Variants in COL28A1 observed in about 807,000 individuals in gnomAD.
The protein encoded by COL28A1 is collagen type XXVIII alpha 1 chain.
In COL28A1, 161 loss-of-function variants were observed where a neutral mutation model predicts 150.2. The ratio of observed to expected loss-of-function variants is 1.07; its 90% CI spans 0.94 to 1.22. The LOEUF (loss-of-function observed/expected upper bound fraction) is 1.22, where lower values mean the gene tolerates loss of function less well. Ranked by LOEUF, COL28A1 falls within the 50% of genes most tolerant of loss-of-function variation. The pLI is 0.00. For missense variants in COL28A1, 1,617 were observed against 1,388.3 expected (o/e 1.16, Z -2.62); for synonymous variants, 552 against 469.7 (o/e 1.18, Z -2.26).
At chr7:7,503,624 A>G (rs1170922110) in intron 11 of COL28A1, among the ~76,000 whole-genome samples, 1 of 152,256 alleles carries the variant, frequency 6.6e-6, no homozygotes, top group Non-Finnish European at 1.5e-5. Flanking sequence ...CTGGGAGGCA[A>G]GATGAAATCA....
At chr7:7,383,913 T>C (rs547193057) in intron 27 of COL28A1, among the ~76,000 whole-genome samples, 1 of 152,154 alleles carries the variant, frequency 6.6e-6, no homozygotes, top group Admixed American at 6.5e-5. Flanking sequence ...GAAACAAATA[T>C]TATATAAAAT....
upstream of COL28A1, among the ~76,000 whole-genome samples, chr7:7,538,880 C>G (rs1439827956): frequency 3.3e-5 from 5 of 151,946 alleles, no homozygotes; most frequent in Non-Finnish European, 5.9e-5. Flanking sequence ...TACCAACTAA[C>G]AAGGAAGAAA....
chr7:7,439,898 G>C (rs889426436), intron 21 of COL28A1, among the ~76,000 whole-genome samples: 2 of 152,208 alleles, frequency 1.3e-5, no homozygotes, highest in African/African-American at 4.8e-5. Context: ...AAGTTTAAGA[G>C]TCACTGGTGT....
At chr7:7,497,363 G>A (rs371322374) in intron 11 of COL28A1, among the ~76,000 whole-genome samples, 2 of 152,278 alleles carry the variant, frequency 1.3e-5, no homozygotes, top group East Asian at 1.9e-4. Context: ...TGACTGACGT[G>A]TATTAACTCA....
chr7:7,516,825 C>G (rs929099727), intron 7 of COL28A1, among the ~76,000 whole-genome samples: 7 of 152,118 alleles, frequency 4.6e-5, no homozygotes, highest in Admixed American at 4.6e-4. Flanking sequence ...AACTAGTGGC[C>G]TTAAGTGATC....
chr7:7,398,816 C>T (rs1202131561), intron 27 of COL28A1, among the ~76,000 whole-genome samples: 5 of 152,164 alleles, frequency 3.3e-5, no homozygotes, highest in Admixed American at 2.0e-4. Flanking sequence ...TCTTTGCTGG[C>T]CATCTGCACG....
At chr7:7,360,211 T>A (rs1291464061) in intron 34 of COL28A1, among the ~76,000 whole-genome samples, 179 bp downstream of exon 34, 1 of 152,240 alleles carries the variant, frequency 6.6e-6, no homozygotes, top group Non-Finnish European at 1.5e-5. Flanking sequence ...TATAGTCCAG[T>A]GAAAACTATA....
intron 8 of COL28A1, among the ~76,000 whole-genome samples, chr7:7,514,333 G>A (rs1046812742): frequency 1.3e-5 from 2 of 152,064 alleles, no homozygotes; most frequent in African/African-American, 2.4e-5. Context: ...ACATTGTCAC[G>A]CCCATTATTT....
At chr7:7,349,300 A>G in the COL28A1 span, among the ~76,000 whole-genome samples, 1 of 152,076 alleles carries the variant, frequency 6.6e-6, no homozygotes, top group African/African-American at 2.4e-5. Flanking sequence ...TAGTCTATCC[A>G]ATACTTCATG....
At chr7:7,500,660 T>C (rs1024889125) in intron 11 of COL28A1, among the ~76,000 whole-genome samples, 17 of 152,216 alleles carry the variant, frequency 1.1e-4, no homozygotes, top group Admixed American at 1.0e-3. Flanking sequence ...AAAACCCTTT[T>C]TCATAGAACA....
At chr7:7,416,459 G>C (rs952511899) in intron 27 of COL28A1, among the ~76,000 whole-genome samples, 3 of 152,254 alleles carry the variant, frequency 2.0e-5, no homozygotes, top group Non-Finnish European at 4.4e-5. Context: ...CAGCATGTGT[G>C]AACTGAGCTC....
chr7:7,529,357 G>C (rs561468847), intron 3 of COL28A1, among the ~76,000 whole-genome samples: 1 of 151,604 alleles, frequency 6.6e-6, no homozygotes, highest in South Asian at 2.1e-4. Context: ...TTGAAAGTTG[G>C]TATACCATTC....
chr7:7,412,609 A>G (rs572678814), intron 27 of COL28A1, among the ~76,000 whole-genome samples: 1 of 152,192 alleles, frequency 6.6e-6, no homozygotes, highest in South Asian at 2.1e-4. Context: ...TGCATTACAC[A>G]TACTATCTAA....
intron 4 of COL28A1, chr7:7,522,201 T>G: frequency 1.9e-6 from 1 of 517,382 alleles, no homozygotes; most frequent in Non-Finnish European, 3.5e-6. Context: ...TACCAAGAGC[T>G]AGCTAACAAA....
intron 27 of COL28A1, among the ~76,000 whole-genome samples, chr7:7,396,648 T>C (rs1430416105): frequency 6.6e-6 from 1 of 152,198 alleles, no homozygotes; most frequent in Non-Finnish European, 1.5e-5. Context: ...AATGAGTAAG[T>C]TACTTGTTAT....
At chr7:7,520,197 G>A in intron 5 of COL28A1, 82 bp from the exon 6 acceptor site, 2 of 702,454 alleles carry the variant, frequency 2.8e-6, no homozygotes, top group South Asian at 2.1e-5. Context: ...GATCAGTTTT[G>A]TTTCCTAGAA....
At position 7,507,103 on chromosome 7, in the gene COL28A1, T is replaced by G. The variant is rs1447483047; in HGVS notation, c.972+14A>C. On this transcript the variant is annotated intron_variant, in intron 10 of 34. Transcript: ENST00000399429. Reference sequence around the variant, plus strand: ...ATTCTAATTCAAACTTAGATTTGGTTTTAACCCCCTTACCTGAATTCCTCT... The same window carrying G: ...ATTCTAATTCAAACTTAGATTTGGTGTTAACCCCCTTACCTGAATTCCTCT... The G allele has an allele frequency of 1.8e-6, 2 of 1,132,756 alleles. No individual in the cohort carries two copies. Among genetic ancestry groups the G allele is most frequent in the Non-Finnish European group, 2.7e-6 (2 of 741,816 alleles). The allele number at this position is 1,132,756 out of a possible 1,614,324, so 70.2% of individuals were successfully genotyped here. A position where few individuals can be genotyped will look rare whatever the true frequency, so the allele number is the denominator to read the frequency against.
intron 20 of COL28A1, among the ~76,000 whole-genome samples, chr7:7,442,061 G>A (rs554877435): frequency 7.2e-5 from 11 of 152,038 alleles, no homozygotes; most frequent in African/African-American, 1.9e-4. Context: ...GTAATAAATC[G>A]CCAACACTGA....
downstream of COL28A1, among the ~76,000 whole-genome samples, chr7:7,353,309 C>A (rs1296331140): frequency 1.3e-5 from 2 of 152,200 alleles, no homozygotes; most frequent in Non-Finnish European, 2.9e-5. Flanking sequence ...GAGACATCTA[C>A]ATAATTGGCT....
Sources: allele counts gnomAD v4.1 joint callset (sites outside exome capture counted in the v4.1 genomes callset), GRCh38; gene constraint gnomAD v4.1.1; transcripts MANE v1.5; gene names NCBI Gene and HGNC (gene_info 2026-07-23, HGNC 2026-07-21).